The following KCNK9 variants were observed in gnomAD, a reference collection of about 807,000 sequenced individuals.
KCNK9 encodes potassium channel subfamily K member 9.
KCNK9 carries 1 observed loss-of-function variant against 10.8 expected under a neutral mutation model. The observed-to-expected ratio is 0.09, with a 90% CI of 0.03 to 0.44. The LOEUF (loss-of-function observed/expected upper bound fraction) is 0.44. Ranked by LOEUF, KCNK9 falls within the 20% of genes least tolerant of loss-of-function variation. The pLI, the probability that KCNK9 is intolerant of heterozygous loss-of-function variation, is 0.97. For synonymous variants in KCNK9, 231 were observed against 222.7 expected (o/e 1.04, Z -0.33); for missense variants, 303 against 515.0 (o/e 0.59, Z 3.98).
intron 1 of KCNK9, among the ~76,000 whole-genome samples, chr8:139,681,257 G>T (rs939061522): frequency 6.6e-5 from 10 of 152,220 alleles, no homozygotes. Context: ...CACACAATGA[G>T]AAAGAGGCAG....
chr8:139,629,807 C>T (rs553819640), intron 1 of KCNK9, among the ~76,000 whole-genome samples: 16 of 152,278 alleles, frequency 1.1e-4, no homozygotes, highest in African/African-American at 3.9e-4. Flanking sequence ...GAATCCTAAA[C>T]CTGATGGATG....
At chr8:139,663,287 G>A (rs1026687075) in intron 1 of KCNK9, among the ~76,000 whole-genome samples, 1 of 152,080 alleles carries the variant, frequency 6.6e-6, no homozygotes, top group African/African-American at 2.4e-5. Flanking sequence ...ATCCAGGTCT[G>A]AAGACAAAAG....
intron 1 of KCNK9, among the ~76,000 whole-genome samples, chr8:139,683,931 G>A (rs1816740252): frequency 6.6e-6 from 1 of 152,248 alleles, no homozygotes; most frequent in Non-Finnish European, 1.5e-5. Flanking sequence ...TGGAAAGTTT[G>A]TTAGAAGGAC....
chr8:139,671,859 C>T lies in KCNK9; in HGVS notation c.283+30851G>A, dbSNP rs1184500404. 5.3e-5 allele frequency among the ~76,000 whole-genome samples: 8 copies of T among 152,342 alleles called. No individual in the cohort carries two copies. The East Asian group carries it at 1.5e-3, about 29-fold the overall frequency. ...TACAGGTGTGAGCCACCGCACCCGG[C>T]CAATTCTTCTATTCATAAGTATTTA... On this transcript the variant is annotated intron_variant, in intron 1 of 1. Coordinates refer to ENST00000520439, the MANE Select transcript of KCNK9 (RefSeq NM_001282534.2).
Position 139,645,800 on chromosome 8 carries a change from G to T in KCNK9, c.284-26701C>A, listed in dbSNP as rs567382312. Among the ~76,000 whole-genome samples the T allele has an allele frequency of 2.6e-4, 40 of 152,262 alleles. 1 individual carries two copies. Among genetic ancestry groups the T allele is most frequent in the Admixed American group, 1.7e-3 (26 of 15,302 alleles). Reference sequence around the variant, plus strand: ...CGGTGCACAGGAGGAATCCACCATCGCCTGGCCCCTCCTCCTGCCTGCTCT... The same window carrying T: ...CGGTGCACAGGAGGAATCCACCATCTCCTGGCCCCTCCTCCTGCCTGCTCT... On this transcript the variant is annotated intron_variant, in intron 1 of 1. Coordinates refer to ENST00000520439, the MANE Select transcript of KCNK9 (RefSeq NM_001282534.2).
chr8:139,668,724 T>C (rs1816357844), intron 1 of KCNK9, among the ~76,000 whole-genome samples: 1 of 152,174 alleles, frequency 6.6e-6, no homozygotes, highest in South Asian at 2.1e-4. Context: ...GCCCGTCGTG[T>C]AAATGGAACT....
intron 1 of KCNK9, among the ~76,000 whole-genome samples, chr8:139,655,020 G>A (rs1034325659): frequency 3.9e-5 from 6 of 152,176 alleles, no homozygotes; most frequent in African/African-American, 1.2e-4. Context: ...GACAGAGATG[G>A]ATGGCGGGGG....
intron 1 of KCNK9, among the ~76,000 whole-genome samples, chr8:139,678,820 A>G (rs187247410): frequency 3.0e-4 from 45 of 152,376 alleles, no homozygotes; most frequent in African/African-American, 1.1e-3. Context: ...TCTACAGACA[A>G]CACAGCAGTA....
chr8:139,631,422 C>T (rs1376830236), intron 1 of KCNK9, among the ~76,000 whole-genome samples: 2 of 152,156 alleles, frequency 1.3e-5, no homozygotes, highest in Admixed American at 1.3e-4. Context: ...CCTAGCCCTG[C>T]GCAAAGCACG....
intron 1 of KCNK9, among the ~76,000 whole-genome samples, chr8:139,664,863 G>A (rs1404676984): frequency 6.6e-6 from 1 of 152,152 alleles, no homozygotes; most frequent in Non-Finnish European, 1.5e-5. Flanking sequence ...TGGAGCACGG[G>A]CTGGGTGGGG....
chr8:139,644,728 G>A (rs1244596512), intron 1 of KCNK9, among the ~76,000 whole-genome samples: 4 of 74,032 alleles, frequency 5.4e-5, no homozygotes, highest in Non-Finnish European at 9.6e-5. Context: ...CCCCCCCCCA[G>A]AGCCTCCCAC....
At chr8:139,668,552 G>A (rs1816354163) in intron 1 of KCNK9, among the ~76,000 whole-genome samples, 1 of 151,796 alleles carries the variant, frequency 6.6e-6, no homozygotes, top group African/African-American at 2.4e-5. Flanking sequence ...CTCCCAAGTA[G>A]CTGGGATTAC....
intron 1 of KCNK9, among the ~76,000 whole-genome samples, chr8:139,659,336 G>T (rs1369556946): frequency 6.6e-6 from 1 of 152,196 alleles, no homozygotes; most frequent in African/African-American, 2.4e-5. Flanking sequence ...TCATGCCTAG[G>T]ACTGAGGGTT....
At chr8:139,660,429 A>G (rs1816122545) in intron 1 of KCNK9, among the ~76,000 whole-genome samples, 1 of 138,968 alleles carries the variant, frequency 7.2e-6, no homozygotes, top group African/African-American at 2.9e-5. Flanking sequence ...ATGTCGTGAA[A>G]CCCGTCTCTG....
intron 1 of KCNK9, among the ~76,000 whole-genome samples, chr8:139,635,280 C>A (rs1239957429): frequency 1.3e-5 from 2 of 152,198 alleles, no homozygotes; most frequent in Non-Finnish European, 2.9e-5. Context: ...GTATCATCAA[C>A]AAGAAAACGG....
At chr8:139,697,215 G>A (rs55853065) in intron 1 of KCNK9, among the ~76,000 whole-genome samples, 83,355 of 149,036 alleles carry the variant, frequency 0.56, 23,427 homozygotes, top group Admixed American at 0.62. Flanking sequence ...GGGTAGATGG[G>A]TGTATGGATG....
At chr8:139,699,181 T>C (rs1817137060) in intron 1 of KCNK9, among the ~76,000 whole-genome samples, 1 of 152,234 alleles carries the variant, frequency 6.6e-6, no homozygotes, top group African/African-American at 2.4e-5. Flanking sequence ...CTGAAGGTGA[T>C]AACAGCTCAG....
chr8:139,614,762 G>A (rs1043892350), downstream of KCNK9, among the ~76,000 whole-genome samples: 2 of 152,198 alleles, frequency 1.3e-5, no homozygotes, highest in South Asian at 2.1e-4. Context: ...GTTGCCCCCA[G>A]GGGTCTTAGA....
chr8:139,600,975 A>G (rs1355257521), downstream of KCNK9: 4 of 152,264 alleles, frequency 2.6e-5, no homozygotes, highest in East Asian at 7.7e-4. Context: ...AGGTTCAGCG[A>G]GGGTAAGCAG....
Sources: allele counts gnomAD v4.1 joint callset (sites outside exome capture counted in the v4.1 genomes callset), GRCh38; gene constraint gnomAD v4.1.1; transcripts MANE v1.5; gene names NCBI Gene and HGNC (gene_info 2026-07-23, HGNC 2026-07-21).